Variants in HTR1F observed in about 807,000 individuals in gnomAD.
The protein encoded by HTR1F is 5-hydroxytryptamine (serotonin) receptor 1F, G protein-coupled.
A neutral mutation model predicts 24.0 loss-of-function variants in HTR1F; 17 were observed. That is an observed-to-expected ratio of 0.71 (90% CI 0.48 to 1.06). The LOEUF (loss-of-function observed/expected upper bound fraction) is 1.06. Among genes scored for constraint, HTR1F ranks in the 50% least tolerant of loss-of-function variants. The pLI is 0.00. For missense variants in HTR1F, 391 were observed against 427.8 expected (o/e 0.91, Z 0.76); for synonymous variants, 186 against 156.8 (o/e 1.19, Z -1.39).
In HTR1F at chr3:87,929,700, T is replaced by C. The variant is rs183950501; in HGVS notation, c.-42-61008T>C. 4.6e-5 allele frequency among the ~76,000 whole-genome samples: 7 copies of C among 152,348 alleles called. No individual in the cohort carries two copies. The East Asian group carries it at 1.3e-3, about 29-fold the overall frequency. On this transcript the variant is annotated intron_variant, in intron 2 of 2. Coordinates refer to ENST00000319595, the MANE Select transcript of HTR1F (RefSeq NM_001322209.2). The stretch of plus-strand genomic sequence containing the variant: ...CAGGACCATGCTGTTTTGGTTACTG[T>C]AGCCTTGTAAGATAGTTTGATATCA...
intron 1 of HTR1F, among the ~76,000 whole-genome samples, chr3:87,809,952 C>A (rs1704133148): frequency 6.6e-6 from 1 of 151,788 alleles, no homozygotes; most frequent in Non-Finnish European, 1.5e-5. Context: ...CTGGATACAC[C>A]ATCTGGTTAT....
At chr3:87,936,197 C>A (rs1704411822) in intron 2 of HTR1F, among the ~76,000 whole-genome samples, 1 of 152,154 alleles carries the variant, frequency 6.6e-6, no homozygotes. Flanking sequence ...GTCTATCACA[C>A]ACTCCAAATA....
chr3:87,938,051 G>A (rs1159376894), intron 2 of HTR1F, among the ~76,000 whole-genome samples: 4 of 152,004 alleles, frequency 2.6e-5, no homozygotes, highest in African/African-American at 7.3e-5. Context: ...CACAGTGTAA[G>A]CCCAAAGCTT....
intron 2 of HTR1F, among the ~76,000 whole-genome samples, chr3:87,945,738 G>A (rs533668769): frequency 6.6e-6 from 1 of 152,268 alleles, no homozygotes; most frequent in South Asian, 2.1e-4. Flanking sequence ...GTTTTTAACT[G>A]GCTGAAGGGT....
chr3:87,889,085 C>A (rs1706022170), intron 2 of HTR1F, among the ~76,000 whole-genome samples: 1 of 152,024 alleles, frequency 6.6e-6, no homozygotes, highest in African/African-American at 2.4e-5. Flanking sequence ...TTATAAAGAG[C>A]CTGGCATCTC....
chr3:87,852,967 TG>T (rs1705119829), intron 2 of HTR1F, among the ~76,000 whole-genome samples: 1 of 136,768 alleles, frequency 7.3e-6, no homozygotes, highest in Non-Finnish European at 1.5e-5. Flanking sequence ...TTGTAGTGGC[TG>T]TTTTTTTTTT....
intron 2 of HTR1F, among the ~76,000 whole-genome samples, chr3:87,906,147 T>TA (rs1480059196): frequency 6.6e-6 from 1 of 152,100 alleles, no homozygotes; most frequent in East Asian, 1.9e-4. Flanking sequence ...TTCCAATATA[T>TA]AACTCAGGGT....
intron 2 of HTR1F, among the ~76,000 whole-genome samples, chr3:87,873,097 C>CAT (rs1384336654): frequency 3.2e-5 from 3 of 92,474 alleles, no homozygotes; most frequent in South Asian, 2.9e-4. Flanking sequence ...TGCATACATA[C>CAT]ACACACACAC....
intron 1 of HTR1F, among the ~76,000 whole-genome samples, chr3:87,796,874 A>G (rs2107054827): frequency 6.6e-6 from 1 of 152,336 alleles, no homozygotes; most frequent in Non-Finnish European, 1.5e-5. Flanking sequence ...GCACTTAAGT[A>G]AAAATAATAA....
At chr3:87,854,236 A>G (rs1311324498) in intron 2 of HTR1F, among the ~76,000 whole-genome samples, 3 of 152,012 alleles carry the variant, frequency 2.0e-5, no homozygotes, top group Admixed American at 2.0e-4. Flanking sequence ...TAAAAGAATT[A>G]CAGTTTTAGG....
In HTR1F at chr3:87,822,052, ACTT is replaced by A. The variant is rs2107127010; in HGVS notation, c.-112_-110del. Among the ~76,000 whole-genome samples, 1 of 152,280 alleles carries A rather than the reference ACTT, an allele frequency of 6.6e-6. No homozygotes were observed. The highest frequency in any genetic ancestry group is 2.1e-4 in the South Asian group (1 of 4,822). The stretch of plus-strand genomic sequence containing the variant: ...GAATTGGACTGTGAAACTTTCATGA[ACTT>A]CTCAAAAGAACAGGAACATGAGGAG... On this transcript the variant is annotated 5_prime_UTR_variant, in exon 2 of 3. Coordinates refer to ENST00000319595, the MANE Select transcript of HTR1F (RefSeq NM_001322209.2).
chr3:87,817,686 C>T (rs945387686), intron 1 of HTR1F, among the ~76,000 whole-genome samples: 65 of 152,202 alleles, frequency 4.3e-4, no homozygotes, highest in African/African-American at 1.4e-3. Flanking sequence ...GACTTTATTG[C>T]TGTTGTGAGC....
chr3:87,886,935 A>C lies in HTR1F; in HGVS notation c.-43+64811A>C, dbSNP rs530094495. 5.4e-3 allele frequency among the ~76,000 whole-genome samples: 821 copies of C among 152,298 alleles called. 11 individuals carry two copies. The highest frequency in any genetic ancestry group is 0.019 in the African/African-American group (788 of 41,560). On this transcript the variant is annotated intron_variant, in intron 2 of 2. Transcript: ENST00000319595. ...TTATAGATTCAATGCCATCCCCATC[A>C]AGCTACCAATGACTTTCTTCACAGA...
Position 87,990,983 on chromosome 3 carries a change from C to T in HTR1F, c.234C>T (p.Pro78=). The change falls in exon 3 of 3, where the codon CCC becomes CCT. Residue 78 remains proline, a synonymous_variant. Transcript: ENST00000319595. ...TTCTTGTGGCTGTCCTGGTGATGCCCTTCAGCATTGTGTATATTGTGAGAG... is the reference window on the plus strand; with the variant it reads ...TTCTTGTGGCTGTCCTGGTGATGCCTTTCAGCATTGTGTATATTGTGAGAG... The part of the protein sequence containing the change: ...TDFLVAVLVM[P]FSIVYIVRES... 6.2e-7 allele frequency: 1 copy of T among 1,614,174 alleles called. No homozygotes were observed. Among genetic ancestry groups the T allele is most frequent in the Non-Finnish European group, 8.5e-7 (1 of 1,180,040 alleles).
rs140242184 is a variant in HTR1F at position 87,853,145 on chromosome 3, T to C, written c.-43+31021T>C. Reference sequence around the variant, plus strand: ...AAACTCATGTCATGCGAGTGTGTTGTACAGATTATTTTGTCACACAGGTAT... The same window carrying C: ...AAACTCATGTCATGCGAGTGTGTTGCACAGATTATTTTGTCACACAGGTAT... On this transcript the variant is annotated intron_variant, in intron 2 of 2. Transcript: ENST00000319595. Among the ~76,000 whole-genome samples, 96 of 150,132 alleles carry C rather than the reference T, an allele frequency of 6.4e-4. 1 individual carries two copies. The highest frequency in any genetic ancestry group is 2.1e-3 in the African/African-American group (85 of 39,644).
At chr3:87,899,051 T>C (rs966443654) in intron 2 of HTR1F, among the ~76,000 whole-genome samples, 4 of 152,194 alleles carry the variant, frequency 2.6e-5, no homozygotes, top group Admixed American at 6.5e-5. Flanking sequence ...GAAGTAAGCA[T>C]TGACATTAAA....
At chr3:87,801,743 C>T (rs114381173) in intron 1 of HTR1F, among the ~76,000 whole-genome samples, 4,879 of 152,238 alleles carry the variant, frequency 0.032, 108 homozygotes, top group Non-Finnish European at 0.049. Flanking sequence ...TTGCCCTAAG[C>T]AGCTTGCAGC....
rs1264191866 is a variant in HTR1F at position 87,834,669 on chromosome 3, G to A, written c.-43+12545G>A. Among the ~76,000 whole-genome samples the A allele has an allele frequency of 3.3e-5, 5 of 152,234 alleles. No homozygotes were observed. In the East Asian group the frequency reaches 9.6e-4, roughly 29 times the overall value. ...ACCAGAAGTCTGCAAAGTATAACCT[G>A]CAGGACCAAATCCATCCTGCTGCCT... On this transcript the variant is annotated intron_variant, in intron 2 of 2. Coordinates refer to ENST00000319595, the MANE Select transcript of HTR1F (RefSeq NM_001322209.2).
intron 2 of HTR1F, among the ~76,000 whole-genome samples, chr3:87,922,144 G>A (rs1480328908): frequency 1.3e-5 from 2 of 151,854 alleles, no homozygotes; most frequent in Admixed American, 1.3e-4. Context: ...ATTTCTACCT[G>A]CAATGTATAA....
Sources: allele counts gnomAD v4.1 joint callset (sites outside exome capture counted in the v4.1 genomes callset), GRCh38; gene constraint gnomAD v4.1.1; transcripts MANE v1.5; gene names NCBI Gene and HGNC (gene_info 2026-07-23, HGNC 2026-07-21).